The following GLIS3 variants were observed in gnomAD, a reference collection of about 807,000 sequenced individuals.
GLIS3 encodes the protein zinc finger protein GLIS3.
A neutral mutation model predicts 78.6 loss-of-function variants in GLIS3; 53 were observed. The observed-to-expected ratio is 0.67, with a 90% CI of 0.54 to 0.85. The LOEUF (loss-of-function observed/expected upper bound fraction) is 0.85, where lower values mean the gene tolerates loss of function less well. GLIS3 is among the 40% of genes least tolerant of loss of function. The pLI is 0.00. For missense variants in GLIS3, 1,703 were observed against 1,231.1 expected (o/e 1.38, Z -5.74); for synonymous variants, 684 against 509.9 (o/e 1.34, Z -4.60).
chr9:3,901,614 G>A (rs1006288037), intron 6 of GLIS3, among the ~76,000 whole-genome samples: 50 of 152,170 alleles, frequency 3.3e-4, no homozygotes, highest in African/African-American at 1.1e-3. Flanking sequence ...GTCTCAGAAA[G>A]CTTCATAAAG....
chr9:4,034,647 C>T (rs938673915), intron 4 of GLIS3: 12 of 152,222 alleles, frequency 7.9e-5, no homozygotes, highest in African/African-American at 2.9e-4. Flanking sequence ...TACAAGTCTT[C>T]AAGAAATTGT....
At chr9:4,379,478 C>A in the GLIS3 span, among the ~76,000 whole-genome samples, 4 of 152,144 alleles carry the variant, frequency 2.6e-5, no homozygotes, top group Admixed American at 1.3e-4. Context: ...AACATTAGTC[C>A]CTTCTTTTAG....
chr9:4,386,528 G>C, the GLIS3 span: 1 of 152,008 alleles, frequency 6.6e-6, no homozygotes, highest in Admixed American at 6.5e-5. Flanking sequence ...ACAGATTCTT[G>C]GCGTGTTGAA....
chr9:4,225,524 A>G (rs1323944936), intron 2 of GLIS3, among the ~76,000 whole-genome samples: 1 of 152,198 alleles, frequency 6.6e-6, no homozygotes, highest in East Asian at 1.9e-4. Flanking sequence ...GTGGTCTGCT[A>G]AAGTAGTCAC....
chr9:3,862,779 G>A (rs752829720), intron 8 of GLIS3, among the ~76,000 whole-genome samples: 8 of 152,010 alleles, frequency 5.3e-5, no homozygotes, highest in Non-Finnish European at 1.0e-4. Flanking sequence ...CTTCCACGGC[G>A]GCTACAGACC....
the GLIS3 span, among the ~76,000 whole-genome samples, chr9:4,358,058 AAAGC>A: frequency 6.6e-6 from 1 of 152,196 alleles, no homozygotes; most frequent in African/African-American, 2.4e-5. Flanking sequence ...CAAGATGAGA[AAAGC>A]AAGGACAAGG....
intron 6 of GLIS3, among the ~76,000 whole-genome samples, chr9:3,901,800 C>T (rs780113511): frequency 1.3e-5 from 2 of 152,172 alleles, no homozygotes; most frequent in Non-Finnish European, 2.9e-5. Context: ...GCCTAACTAA[C>T]TCTTTCAGGA....
chr9:4,273,322 C>T (rs1032546418), intron 2 of GLIS3, among the ~76,000 whole-genome samples: 8 of 152,164 alleles, frequency 5.3e-5, no homozygotes, highest in South Asian at 2.1e-4. Flanking sequence ...GCACCAAGCA[C>T]GGTGGCTCAT....
intron 4 of GLIS3, among the ~76,000 whole-genome samples, chr9:3,960,654 T>C (rs1817485720): frequency 6.6e-6 from 1 of 152,136 alleles, no homozygotes; most frequent in Non-Finnish European, 1.5e-5. Flanking sequence ...TAATTATTTA[T>C]TTTTCATGTA....
At chr9:4,035,383 G>C (rs1052050841) in intron 4 of GLIS3, among the ~76,000 whole-genome samples, 1 of 151,354 alleles carries the variant, frequency 6.6e-6, no homozygotes, top group African/African-American at 2.4e-5. Flanking sequence ...GGTCCAACTG[G>C]ATCCCTGCAT....
intron 2 of GLIS3, among the ~76,000 whole-genome samples, chr9:4,171,865 G>C (rs1564147735): frequency 6.6e-6 from 1 of 152,148 alleles, no homozygotes; most frequent in East Asian, 1.9e-4. Context: ...AAGAGGACTG[G>C]CTGCTAAGGA....
At chr9:4,220,978 C>G (rs374360006) in intron 2 of GLIS3, among the ~76,000 whole-genome samples, 1 of 152,096 alleles carries the variant, frequency 6.6e-6, no homozygotes, top group African/African-American at 2.4e-5. Flanking sequence ...CAGCAAGACC[C>G]TGTCTCTAAT....
At chr9:4,053,923 C>T (rs1437229544) in intron 4 of GLIS3, among the ~76,000 whole-genome samples, 1 of 152,118 alleles carries the variant, frequency 6.6e-6, no homozygotes. Context: ...AGACAGTTTG[C>T]TTCAGGCTTT....
At chr9:4,170,331 T>C (rs1564145966) in intron 2 of GLIS3, among the ~76,000 whole-genome samples, 1 of 152,236 alleles carries the variant, frequency 6.6e-6, no homozygotes. Flanking sequence ...CTTGCCAGAA[T>C]GGCCAACCAA....
At chr9:3,915,341 G>C (rs1420395566) in intron 6 of GLIS3, among the ~76,000 whole-genome samples, 1 of 152,094 alleles carries the variant, frequency 6.6e-6, no homozygotes, top group Non-Finnish European at 1.5e-5. Flanking sequence ...TCTAAGGAAA[G>C]TGTTGCAAGA....
chr9:3,876,654 GAGAA>G (rs1244686008), intron 8 of GLIS3, among the ~76,000 whole-genome samples: 1 of 48,732 alleles, frequency 2.1e-5, no homozygotes, highest in African/African-American at 9.6e-5. Context: ...GAGAGAGAGA[GAGAA>G]AGAGAGAGAG....
intron 4 of GLIS3, among the ~76,000 whole-genome samples, chr9:4,061,286 A>G (rs1016804479): frequency 7.1e-6 from 1 of 140,608 alleles, no homozygotes; most frequent in Admixed American, 7.7e-5. Flanking sequence ...TAACTGTTCA[A>G]TTCCCACCTA....
At chr9:4,329,432 C>A (rs183795025) in intron 2 of GLIS3, among the ~76,000 whole-genome samples, 5 of 151,684 alleles carry the variant, frequency 3.3e-5, no homozygotes, top group Non-Finnish European at 7.3e-5. Flanking sequence ...GATAAAATGC[C>A]CCCCAGTGGT....
the GLIS3 span, among the ~76,000 whole-genome samples, chr9:4,418,440 G>A: frequency 1.3e-5 from 2 of 152,208 alleles, no homozygotes; most frequent in Non-Finnish European, 2.9e-5. Flanking sequence ...TATTGGAAAT[G>A]ACTTTGTAAG....
Sources: allele counts gnomAD v4.1 joint callset (sites outside exome capture counted in the v4.1 genomes callset), GRCh38; gene constraint gnomAD v4.1.1; transcripts MANE v1.5; gene names NCBI Gene and HGNC (gene_info 2026-07-23, HGNC 2026-07-21).